The following RNF166 variants were observed in gnomAD, a reference collection of about 807,000 sequenced individuals.
The protein encoded by RNF166 is ring finger protein 166, also known as E3 ubiquitin-protein ligase RNF166.
Under a neutral mutation model 29.4 loss-of-function variants are expected in RNF166, and 19 were observed. The observed-to-expected ratio is 0.65, with a 90% CI of 0.45 to 0.95. The LOEUF is 0.95. RNF166 is among the 40% of genes least tolerant of loss of function. RNF166 has a pLI of 0.00. For missense variants in RNF166, 347 were observed against 322.1 expected (o/e 1.08, Z -0.59); for synonymous variants, 171 against 134.5 (o/e 1.27, Z -1.88).
In RNF166 at chr16:88,701,247, C is replaced by T. The variant is rs759140854; in HGVS notation, c.312+15G>A. 6.2e-7 allele frequency: 1 copy of T among 1,613,422 alleles called. No homozygotes were observed. Among genetic ancestry groups the T allele is most frequent in the Non-Finnish European group, 8.5e-7 (1 of 1,179,876 alleles). On this transcript the variant is annotated intron_variant, in intron 2 of 5. Transcript: ENST00000312838. The stretch of plus-strand genomic sequence containing the variant: ...AAGTGACCCCGGCTCCAGGGCGGCC[C>T]AAGCAGGCGGGTACCTTTTTGTTGC...
chr16:88,701,665 C>G (rs986586074), intron 1 of RNF166: 2 of 468,158 alleles, frequency 4.3e-6, no homozygotes, highest in Non-Finnish European at 7.6e-6. Context: ...TGGCTAGCGG[C>G]AGAGCCGTCA....
chr16:88,700,967 C>T (rs1194124080), intron 2 of RNF166: 1 of 1,278,076 alleles, frequency 7.8e-7, no homozygotes, highest in Admixed American at 3.8e-5. Flanking sequence ...TCAGCTCAGC[C>T]CCCTGGTCCT....
At chr16:88,698,030 G>C in intron 5 of RNF166, 1 of 517,004 alleles carries the variant, frequency 1.9e-6, no homozygotes, top group South Asian at 2.3e-5. Flanking sequence ...CCAGGGCCAG[G>C]AATGAACAGG....
chr16:88,701,130 G>T (rs1910177930), intron 2 of RNF166, 132 bp downstream of exon 2: 13 of 1,305,654 alleles, frequency 1.0e-5, no homozygotes, highest in Non-Finnish European at 1.4e-5. Context: ...TGGCTTCCTG[G>T]TGCAGGAGCA....
chr16:88,699,047 C>T lies in RNF166; in HGVS notation c.464G>A (p.Cys155Tyr), dbSNP rs750585340. 6.2e-7 allele frequency: 1 copy of T among 1,611,052 alleles called. No homozygotes were observed. The highest frequency in any genetic ancestry group is 8.5e-7 in the Non-Finnish European group (1 of 1,179,010). ...CTGCTGGTCCAGGTTGCGGGCACCA[C>T]AGTACGGGCAGGCGAAGGTGGACCT... ...PNRSTFACPY[C>Y]GARNLDQQEL... The change falls in exon 4 of 6, where the codon TGT becomes TAT. Residue 155 changes from cysteine (C) to tyrosine (Y), a missense_variant. Coordinates refer to ENST00000312838, the MANE Select transcript of RNF166 (RefSeq NM_178841.4).
chr16:88,703,374 GA>G, intron 1 of RNF166: 1 of 985,502 alleles, frequency 1.0e-6, no homozygotes, highest in Non-Finnish European at 1.2e-6. Context: ...TGAGGGGAAG[GA>G]AAAGGGTCCC....
chr16:88,699,737 G>A lies in RNF166; in HGVS notation c.313-5C>T, dbSNP rs780160968. 20 of 1,610,344 alleles carry A rather than the reference G, an allele frequency of 1.2e-5. No individual in the cohort carries two copies. The highest frequency in any genetic ancestry group is 1.7e-5 in the Non-Finnish European group (20 of 1,178,056). ...TCTCATCTTTGCCAGGGTCACCTAG[G>A]AGACAGGGCAGGGAGGGCAAGGCGG... is the stretch of plus-strand genomic sequence containing the variant. On this transcript the variant is annotated splice_polypyrimidine_tract_variant and splice_region_variant and intron_variant, in intron 2 of 5. Transcript: ENST00000312838.
chr16:88,698,417 G>T, intron 5 of RNF166, 85 bp downstream of exon 5: 1 of 1,066,612 alleles, frequency 9.4e-7, no homozygotes, highest in Non-Finnish European at 1.4e-6. Context: ...TGAACCCTGC[G>T]GACCCTGAGG....
chr16:88,700,468 G>A (rs1910103503), intron 2 of RNF166: 6 of 346,560 alleles, frequency 1.7e-5, no homozygotes, highest in Admixed American at 1.3e-4. Flanking sequence ...CTGCTCAGCC[G>A]CACCACTCTG....
intron 1 of RNF166, among the ~76,000 whole-genome samples, chr16:88,705,365 T>TCC (rs1910678327): frequency 6.6e-6 from 1 of 152,190 alleles, no homozygotes; most frequent in Admixed American, 6.5e-5. Context: ...GCTCTCTCTC[T>TCC]CCCCTGCCAC....
In RNF166 at chr16:88,701,335, T is replaced by C. The variant is rs1318246504; in HGVS notation, c.239A>G (p.Lys80Arg). ...PLCRLPFDPKKVDKATHVEKQ... is the reference protein window; with the variant it reads ...PLCRLPFDPKRVDKATHVEKQ... ...CTCCACGTGGGTGGCCTTGTCCACCTTCTTGGGGTCGAAGGGCAGGCGGCA... is the reference window on the plus strand; with the variant it reads ...CTCCACGTGGGTGGCCTTGTCCACCCTCTTGGGGTCGAAGGGCAGGCGGCA... The change falls in exon 2 of 6, where the codon AAG becomes AGG. Residue 80 changes from lysine to arginine, a missense_variant. Transcript: ENST00000312838. The C allele has an allele frequency of 6.2e-7, 1 of 1,613,548 alleles. No homozygotes were observed. The highest frequency in any genetic ancestry group is 2.2e-5 in the East Asian group (1 of 44,874).
At chr16:88,699,783 C>T (rs750768094) in intron 2 of RNF166, 51 bp from the exon 3 acceptor site, 23 of 1,426,436 alleles carry the variant, frequency 1.6e-5, no homozygotes, top group Middle Eastern at 1.8e-4. Context: ...CTGGAAGGGC[C>T]GTCCTGGGGA....
chr16:88,696,774 T>C lies in RNF166; in HGVS notation c.*794A>G. On this transcript the variant is annotated 3_prime_UTR_variant, in exon 6 of 6. Coordinates refer to ENST00000312838, the MANE Select transcript of RNF166 (RefSeq NM_178841.4). ...GCTGGGAGCAGCCACAGCCTGTGGC[T>C]GGGGTGCTGGGATTTCTTCCTGGTC... The C allele has an allele frequency of 2.7e-6, 1 of 373,604 alleles. No homozygotes were observed. The highest frequency in any genetic ancestry group is 1.9e-5 in the South Asian group (1 of 53,138). The allele number at this position is 373,604 out of a possible 1,614,324, so 23.1% of individuals were successfully genotyped here.
At chr16:88,703,427 G>C (rs1464470245) in intron 1 of RNF166, 1 of 985,460 alleles carries the variant, frequency 1.0e-6, no homozygotes, top group Non-Finnish European at 1.2e-6. Context: ...CAGAAGGTTG[G>C]CTGGGAGGAA....
At chr16:88,698,371 G>T in intron 5 of RNF166, 131 bp downstream of exon 5, 1 of 784,770 alleles carries the variant, frequency 1.3e-6, no homozygotes, top group Non-Finnish European at 2.2e-6. Context: ...GGGGAATGTG[G>T]CCACCTGAAA....
intron 3 of RNF166, 27 bp from the exon 4 acceptor site, chr16:88,699,112 G>A (rs1164519630): frequency 3.4e-6 from 5 of 1,461,372 alleles, no homozygotes; most frequent in African/African-American, 1.4e-5. Flanking sequence ...AGAGTGAGTG[G>A]CACGGCTAGG....
Position 88,696,659 on chromosome 16 carries a change from G to A in RNF166, c.*909C>T, listed in dbSNP as rs928229083. The A allele has an allele frequency of 4.5e-5, 20 of 441,376 alleles. No homozygotes were observed. Among genetic ancestry groups the A allele is most frequent in the South Asian group, 1.5e-4 (9 of 61,670 alleles). The allele number at this position is 441,376 out of a possible 1,614,324, so 27.3% of individuals were successfully genotyped here. Reference sequence around the variant, plus strand: ...CACCACTGGGGTGCCGTCCCCTCCCGCAGCGGGGCACAGTCAGCTTTGAAG... The same window carrying A: ...CACCACTGGGGTGCCGTCCCCTCCCACAGCGGGGCACAGTCAGCTTTGAAG... On this transcript the variant is annotated 3_prime_UTR_variant, in exon 6 of 6. Coordinates refer to ENST00000312838, the MANE Select transcript of RNF166 (RefSeq NM_178841.4).
chr16:88,700,951 A>C, intron 2 of RNF166: 1 of 1,204,062 alleles, frequency 8.3e-7, no homozygotes, highest in Non-Finnish European at 1.0e-6. Flanking sequence ...CTGCATTGGG[A>C]AGGTTTCAGC....
At chr16:88,698,395 T>C in intron 5 of RNF166, 107 bp downstream of exon 5, 2 of 892,400 alleles carry the variant, frequency 2.2e-6, no homozygotes, top group Non-Finnish European at 3.7e-6. Flanking sequence ...GGCTTCTGTT[T>C]CTGGCTTCCT....
Sources: gnomAD v4.1 joint callset for allele counts (sites outside exome capture counted in the v4.1 genomes callset) on GRCh38, gnomAD v4.1.1 for gene constraint, MANE v1.5 for transcripts, NCBI Gene and HGNC (gene_info 2026-07-23, HGNC 2026-07-21) for gene names.